DLG2: variants seen among roughly 807,000 people sequenced by gnomAD.
DLG2 encodes the protein discs large MAGUK scaffold protein 2.
DLG2 carries 45 observed loss-of-function variants against 132.5 expected under a neutral mutation model. That is an observed-to-expected ratio of 0.34 (90% CI 0.27 to 0.44). The LOEUF (loss-of-function observed/expected upper bound fraction) is 0.44, where lower values mean the gene tolerates loss of function less well. Ranked by LOEUF, DLG2 falls within the 20% of genes least tolerant of loss-of-function variation. DLG2 has a pLI of 1.00. For synonymous variants in DLG2, 424 were observed against 419.6 expected (o/e 1.01, Z -0.13); for missense variants, 1,045 against 1,196.9 (o/e 0.87, Z 1.87).
chr11:85,536,375 T>TA (rs1464630775), intron 3 of DLG2, among the ~76,000 whole-genome samples: 1 of 152,192 alleles, frequency 6.6e-6, no homozygotes, highest in Non-Finnish European at 1.5e-5. Flanking sequence ...TTTCTAAACT[T>TA]ATTCTCCTGC....
intron 8 of DLG2, among the ~76,000 whole-genome samples, chr11:84,179,823 T>C (rs999479937): frequency 6.6e-6 from 1 of 152,008 alleles, no homozygotes; most frequent in African/African-American, 2.4e-5. Flanking sequence ...TCACCTAAAA[T>C]TGGGGATAAG....
intron 14 of DLG2, among the ~76,000 whole-genome samples, chr11:83,932,359 C>A (rs1189844320): frequency 2.0e-5 from 3 of 151,948 alleles, no homozygotes; most frequent in African/African-American, 7.3e-5. Flanking sequence ...CCCAGCCTCC[C>A]GAGAAGCTGG....
intron 17 of DLG2, chr11:83,791,513 A>G (rs955896113): frequency 4.8e-6 from 3 of 625,284 alleles, no homozygotes; most frequent in African/African-American, 3.8e-5. Flanking sequence ...CCATGAAATC[A>G]GTTTATTTTT....
chr11:83,661,879 G>A lies in DLG2; in HGVS notation c.1826-28554C>T, dbSNP rs2074369613. On this transcript the variant is annotated intron_variant, in intron 18 of 27. Transcript: ENST00000376104. ...GACAAAGCATCAGGACAGAGCGAAT[G>A]AATCATTCATGTAAATGACAACATT... 2.6e-5 allele frequency among the ~76,000 whole-genome samples: 4 copies of A among 152,316 alleles called. No individual in the cohort carries two copies. The South Asian group carries it at 8.3e-4, about 32-fold the overall frequency.
chr11:84,120,457 G>A (rs1204479893), intron 9 of DLG2, among the ~76,000 whole-genome samples: 1 of 152,144 alleles, frequency 6.6e-6, no homozygotes, highest in Non-Finnish European at 1.5e-5. Flanking sequence ...TTTTAAAGTT[G>A]TTCTTCACAA....
chr11:84,097,278 A>T (rs2097178558), intron 10 of DLG2, among the ~76,000 whole-genome samples: 1 of 152,226 alleles, frequency 6.6e-6, no homozygotes, highest in Non-Finnish European at 1.5e-5. Context: ...TTTACCAAGA[A>T]TCCTGCTGAG....
At chr11:85,216,039 T>C (rs1595454661) in intron 4 of DLG2, among the ~76,000 whole-genome samples, 1 of 148,158 alleles carries the variant, frequency 6.7e-6, no homozygotes, top group Admixed American at 6.7e-5. Flanking sequence ...AAGCACAGAC[T>C]GGCACAATGA....
At chr11:85,441,636 G>C (rs1444786471) in intron 3 of DLG2, among the ~76,000 whole-genome samples, 1 of 152,044 alleles carries the variant, frequency 6.6e-6, no homozygotes, top group Non-Finnish European at 1.5e-5. Flanking sequence ...CCACTCTTGT[G>C]GACTTTATAG....
At chr11:84,043,231 A>G (rs2096143922) in intron 11 of DLG2, among the ~76,000 whole-genome samples, 1 of 151,666 alleles carries the variant, frequency 6.6e-6, no homozygotes, top group South Asian at 2.1e-4. Context: ...ATTGCTTAAA[A>G]TAATTTTTAA....
Position 85,429,778 on chromosome 11 carries a change from A to T in DLG2, c.41-144413T>A, listed in dbSNP as rs190803262. ...GTTGGTGGGACTGTAAACTAGTTCA[A>T]CCATTGTGGAAGTCAGTGTGGCGAT... On this transcript the variant is annotated intron_variant, in intron 3 of 27. Coordinates refer to ENST00000376104, the MANE Select transcript of DLG2 (RefSeq NM_001142699.3). 5.8e-3 allele frequency among the ~76,000 whole-genome samples: 879 copies of T among 152,332 alleles called. 9 individuals are homozygous for T. Among genetic ancestry groups the T allele is most frequent in the African/African-American group, 0.021 (856 of 41,566 alleles).
At chr11:84,742,101 T>C (rs887590649) in intron 6 of DLG2, among the ~76,000 whole-genome samples, 3 of 151,986 alleles carry the variant, frequency 2.0e-5, no homozygotes, top group Non-Finnish European at 4.4e-5. Context: ...ATAGGTCTTT[T>C]GAAATAATCA....
At chr11:83,800,820 T>A (rs2044165381) in intron 17 of DLG2, among the ~76,000 whole-genome samples, 1 of 152,186 alleles carries the variant, frequency 6.6e-6, no homozygotes, top group Non-Finnish European at 1.5e-5. Flanking sequence ...CTAGAATTCA[T>A]GCATTTCAAG....
intron 4 of DLG2, among the ~76,000 whole-genome samples, chr11:85,193,817 TG>T (rs1315953063): frequency 2.6e-5 from 4 of 152,262 alleles, no homozygotes; most frequent in African/African-American, 4.8e-5. Flanking sequence ...TACCACTCTT[TG>T]GGTTGTCATT....
chr11:83,943,873 G>GA (rs2083220426), intron 14 of DLG2, among the ~76,000 whole-genome samples: 1 of 152,198 alleles, frequency 6.6e-6, no homozygotes, highest in South Asian at 2.1e-4. Flanking sequence ...TGACTACAGG[G>GA]AAGTATCTCT....
At chr11:84,686,296 T>C (rs1249558328) in intron 6 of DLG2, among the ~76,000 whole-genome samples, 2 of 152,206 alleles carry the variant, frequency 1.3e-5, no homozygotes, top group African/African-American at 2.4e-5. Context: ...AGACCCAGCA[T>C]GGTTCTTTCT....
At chr11:84,643,315 ACAAGTAATG>A (rs2154545480) in intron 6 of DLG2, among the ~76,000 whole-genome samples, 1 of 152,336 alleles carries the variant, frequency 6.6e-6, no homozygotes, top group South Asian at 2.1e-4. Context: ...TGGACCAGAA[ACAAGTAATG>A]CAGTTTTTGT....
intron 8 of DLG2, among the ~76,000 whole-genome samples, chr11:84,246,731 G>C (rs1354493818): frequency 6.6e-6 from 1 of 152,134 alleles, no homozygotes; most frequent in East Asian, 1.9e-4. Context: ...ATGTATATAG[G>C]ATTTGGCATT....
chr11:83,966,569 T>C (rs540920179), intron 12 of DLG2, among the ~76,000 whole-genome samples: 4 of 151,972 alleles, frequency 2.6e-5, no homozygotes, highest in Non-Finnish European at 2.9e-5. Flanking sequence ...TAAACGTTAA[T>C]TCAGGAAGTA....
chr11:83,519,003 C>T (rs188642021), intron 21 of DLG2, among the ~76,000 whole-genome samples: 4 of 152,056 alleles, frequency 2.6e-5, no homozygotes, highest in Non-Finnish European at 5.9e-5. Flanking sequence ...GCAAGAAAAC[C>T]CATCAAGTGT....
Sources: allele counts gnomAD v4.1 joint callset (sites outside exome capture counted in the v4.1 genomes callset), GRCh38; gene constraint gnomAD v4.1.1; transcripts MANE v1.5; gene names NCBI Gene and HGNC (gene_info 2026-07-23, HGNC 2026-07-21).